The following AKT3 variants were observed in gnomAD, a reference collection of about 807,000 sequenced individuals.
AKT3 encodes AKT serine/threonine kinase 3.
In AKT3, 15 loss-of-function variants were observed where a neutral mutation model predicts 65.3. The observed-to-expected ratio is 0.23, with a 90% confidence interval of 0.15 to 0.35. AKT3 has a LOEUF of 0.35. Among genes scored for constraint, AKT3 ranks in the 10% least tolerant of loss-of-function variants. AKT3 has a pLI of 1.00. For missense variants in AKT3, 243 were observed against 576.5 expected, an observed-to-expected ratio of 0.42 and a Z score of 5.92; for synonymous variants, 206 against 183.8, an observed-to-expected ratio of 1.12 and a Z score of -0.98.
At chr1:243,597,620 T>C (rs952047937) in intron 8 of AKT3, among the ~76,000 whole-genome samples, 2 of 152,140 alleles carry the variant, frequency 1.3e-5, no homozygotes, top group African/African-American at 4.8e-5. Context: ...CCCACTTCAG[T>C]CTCTCGAGTA....
Position 243,731,516 on chromosome 1 carries a change from T to C in AKT3, c.47-35800A>G, listed in dbSNP as rs912918540. On this transcript the variant is annotated intron_variant, in intron 2 of 13. Transcript: ENST00000673466. ...GGCCAGCTTGAAACAAGGAAGTACA[T>C]AGTTGCAGACTTGGAAGCTAGCCAC... Among the ~76,000 whole-genome samples, 3 of 152,144 alleles carry C rather than the reference T, an allele frequency of 2.0e-5. No homozygotes were observed. The East Asian group carries it at 5.8e-4, about 29-fold the overall frequency.
intron 4 of AKT3, among the ~76,000 whole-genome samples, chr1:243,650,389 G>A (rs1286645422): frequency 6.6e-6 from 1 of 152,136 alleles, no homozygotes; most frequent in Non-Finnish European, 1.5e-5. Context: ...TTCTTTTGCT[G>A]TGCAGAAGCT....
intron 2 of AKT3, among the ~76,000 whole-genome samples, chr1:243,792,138 G>C (rs1052963557): frequency 8.6e-6 from 1 of 116,818 alleles, no homozygotes; most frequent in East Asian, 2.4e-4. Flanking sequence ...AACGTTCACT[G>C]TTCTTGCACA....
Position 243,562,563 on chromosome 1 carries a change from T to C in AKT3, c.948+1157A>G, listed in dbSNP as rs116701324. Among the ~76,000 whole-genome samples, 878 of 152,336 alleles carry C rather than the reference T, an allele frequency of 5.8e-3. 12 individuals carry two copies. The highest frequency in any genetic ancestry group is 0.02 in the African/African-American group (829 of 41,582). On this transcript the variant is annotated intron_variant, in intron 10 of 13. Coordinates refer to ENST00000673466, the MANE Select transcript of AKT3 (RefSeq NM_005465.7). Reference sequence around the variant, plus strand: ...TTACTAGGTGGAAACAAAGGCACCATGCAGCTTCTAATGTGTTCCCTAGGA... The same window carrying C: ...TTACTAGGTGGAAACAAAGGCACCACGCAGCTTCTAATGTGTTCCCTAGGA...
chr1:243,538,339 A>G (rs1672071334), intron 12 of AKT3, among the ~76,000 whole-genome samples: 1 of 152,132 alleles, frequency 6.6e-6, no homozygotes, highest in Admixed American at 6.5e-5. Context: ...AAATGGAACC[A>G]TAAAATATTC....
At chr1:243,759,640 A>G (rs1218477391) in intron 2 of AKT3, among the ~76,000 whole-genome samples, 2 of 152,192 alleles carry the variant, frequency 1.3e-5, no homozygotes, top group Admixed American at 6.5e-5. Context: ...AGCAATCTGA[A>G]GGTCACATCT....
At chr1:243,666,510 G>A (rs1682791836) in intron 3 of AKT3, among the ~76,000 whole-genome samples, 1 of 151,986 alleles carries the variant, frequency 6.6e-6, no homozygotes, top group South Asian at 2.1e-4. Context: ...TGAATTACTG[G>A]ACCACCCCTA....
chr1:243,535,685 CAT>C (rs1403213492), intron 12 of AKT3, among the ~76,000 whole-genome samples: 1 of 152,172 alleles, frequency 6.6e-6, no homozygotes, highest in African/African-American at 2.4e-5. Flanking sequence ...CTGCAATAAA[CAT>C]ATGAGTATAT....
intron 8 of AKT3, among the ~76,000 whole-genome samples, chr1:243,580,194 G>A (rs1675228391): frequency 6.6e-6 from 1 of 152,144 alleles, no homozygotes; most frequent in African/African-American, 2.4e-5. Flanking sequence ...ATCCCAGAGA[G>A]GAGAAGGCCA....
At chr1:243,543,980 T>A (rs1209649089) in intron 12 of AKT3, among the ~76,000 whole-genome samples, 1 of 152,080 alleles carries the variant, frequency 6.6e-6, no homozygotes, top group Non-Finnish European at 1.5e-5. Flanking sequence ...TCATATGACA[T>A]AATTCTATGT....
intron 8 of AKT3, among the ~76,000 whole-genome samples, chr1:243,585,638 G>A (rs1240328495): frequency 2.0e-5 from 3 of 152,088 alleles, no homozygotes; most frequent in Non-Finnish European, 4.4e-5. Context: ...AAGCAATGGG[G>A]AAAGGACTCC....
chr1:243,575,550 G>A (rs1430100533), intron 8 of AKT3, among the ~76,000 whole-genome samples: 2 of 152,024 alleles, frequency 1.3e-5, no homozygotes, highest in Non-Finnish European at 2.9e-5. Flanking sequence ...CTGCCATTAA[G>A]CAATATGAAT....
intron 6 of AKT3, among the ~76,000 whole-genome samples, chr1:243,627,296 C>T (rs1259611235): frequency 6.7e-6 from 1 of 150,170 alleles, no homozygotes. Flanking sequence ...GAGTGTAAGA[C>T]TAGCCTGGAC....
At chr1:243,646,957 A>G (rs984475565) in intron 4 of AKT3, among the ~76,000 whole-genome samples, 9 of 152,180 alleles carry the variant, frequency 5.9e-5, no homozygotes, top group African/African-American at 2.2e-4. Context: ...TTCCATGTGA[A>G]TTTTAAAATC....
chr1:243,736,824 C>T (rs553060759), intron 2 of AKT3, among the ~76,000 whole-genome samples: 65 of 152,252 alleles, frequency 4.3e-4, no homozygotes, highest in African/African-American at 1.5e-3. Context: ...CAGATGTATG[C>T]CACCCCTATA....
intron 4 of AKT3, among the ~76,000 whole-genome samples, chr1:243,661,277 TG>T (rs986577502): frequency 3.3e-5 from 5 of 152,184 alleles, no homozygotes; most frequent in Non-Finnish European, 5.9e-5. Flanking sequence ...AGAACAAAGC[TG>T]GAGGCATCAT....
At chr1:243,685,361 G>A (rs1473666841) in intron 3 of AKT3, among the ~76,000 whole-genome samples, 1 of 152,156 alleles carries the variant, frequency 6.6e-6, no homozygotes. Flanking sequence ...TGCATAAAGT[G>A]TAAGGAAGGG....
At chr1:243,669,503 GA>G (rs1452852021) in intron 3 of AKT3, among the ~76,000 whole-genome samples, 1 of 152,158 alleles carries the variant, frequency 6.6e-6, no homozygotes, top group African/African-American at 2.4e-5. Flanking sequence ...CAATCAGAAA[GA>G]AATTCAAATC....
At chr1:243,617,425 ACTG>A (rs1558656951) in intron 6 of AKT3, among the ~76,000 whole-genome samples, 1 of 152,044 alleles carries the variant, frequency 6.6e-6, no homozygotes, top group Non-Finnish European at 1.5e-5. Context: ...TAAAAAAAAA[ACTG>A]CTGATGTGCA....
Sources: allele counts gnomAD v4.1 joint callset (sites outside exome capture counted in the v4.1 genomes callset), GRCh38; gene constraint gnomAD v4.1.1; transcripts MANE v1.5; gene names NCBI Gene and HGNC (gene_info 2026-07-23, HGNC 2026-07-21).